WDPCP: variants seen among roughly 807,000 people sequenced by gnomAD.
WDPCP encodes WD repeat-containing and planar cell polarity effector protein fritz homolog.
A neutral mutation model predicts 93.1 loss-of-function variants in WDPCP; 71 were observed. That is an observed-to-expected ratio of 0.76 (90% CI 0.63 to 0.93). The LOEUF is 0.93. Ranked by LOEUF, WDPCP falls within the 40% of genes least tolerant of loss-of-function variation. The probability of loss-of-function intolerance (pLI) is 0.00; values close to 1 mark genes in which losing one functional copy is unlikely to be tolerated. For missense variants in WDPCP, 844 were observed against 887.4 expected (o/e 0.95, Z 0.62); for synonymous variants, 315 against 315.0 (o/e 1.00, Z 0.00).
intron 2 of WDPCP, among the ~76,000 whole-genome samples, chr2:63,776,738 T>C (rs556908524): frequency 4.1e-5 from 6 of 146,862 alleles, no homozygotes; most frequent in Non-Finnish European, 9.0e-5. Context: ...TGTTAGGGAA[T>C]ACAAATTAAA....
intron 2 of WDPCP, chr2:63,751,674 T>G (rs1350028571): frequency 2.0e-6 from 1 of 495,294 alleles, no homozygotes; most frequent in Non-Finnish European, 3.9e-6. Context: ...CTGCTAAGCT[T>G]TGTTTCCTGG....
intron 10 of WDPCP, among the ~76,000 whole-genome samples, chr2:63,398,823 C>T (rs566151980): frequency 6.6e-6 from 1 of 151,854 alleles, no homozygotes; most frequent in African/African-American, 2.4e-5. Flanking sequence ...ATGCAACTAC[C>T]TGTTTATATA....
At chr2:63,379,588 C>T (rs1692133458) in intron 11 of WDPCP, among the ~76,000 whole-genome samples, 1 of 152,088 alleles carries the variant, frequency 6.6e-6, no homozygotes, top group Non-Finnish European at 1.5e-5. Flanking sequence ...GTTTTCTTGA[C>T]AGCATGTTTC....
At chr2:63,286,998 T>C (rs968360265) in intron 13 of WDPCP, among the ~76,000 whole-genome samples, 6 of 152,194 alleles carry the variant, frequency 3.9e-5, no homozygotes, top group Non-Finnish European at 7.3e-5. Flanking sequence ...GGAAATTCAT[T>C]GTCAAACTGG....
upstream of WDPCP, chr2:63,589,833 G>C (rs1314338134): frequency 4.8e-6 from 1 of 209,748 alleles, no homozygotes; most frequent in Non-Finnish European, 9.9e-6. Context: ...AATAATCTGC[G>C]TACTGCTTGA....
At chr2:63,289,717 A>C (rs1684260534) in intron 13 of WDPCP, among the ~76,000 whole-genome samples, 1 of 151,924 alleles carries the variant, frequency 6.6e-6, no homozygotes, top group Non-Finnish European at 1.5e-5. Flanking sequence ...ATTTTTTGAC[A>C]TGTTCTATGA....
intron 2 of WDPCP, among the ~76,000 whole-genome samples, chr2:63,721,083 T>G (rs1669407140): frequency 6.6e-6 from 1 of 152,222 alleles, no homozygotes. Flanking sequence ...CAGGCTTCCT[T>G]ATACAAGGCA....
At chr2:63,256,626 A>G (rs929535426) in intron 14 of WDPCP, among the ~76,000 whole-genome samples, 3 of 152,172 alleles carry the variant, frequency 2.0e-5, no homozygotes, top group African/African-American at 7.2e-5. Flanking sequence ...CCATTAAAAG[A>G]CATACACAAG....
chr2:63,833,512 A>AAACC, the WDPCP span, among the ~76,000 whole-genome samples: 1 of 152,202 alleles, frequency 6.6e-6, no homozygotes, highest in Non-Finnish European at 1.5e-5. Context: ...CAATAAATTA[A>AAACC]AACCAACCAA....
rs183209448 is a variant in WDPCP, at chr2:63,296,718, A to C, written c.1812+16530T>G. Among the ~76,000 whole-genome samples the C allele has an allele frequency of 4.1e-3, 619 of 152,290 alleles. 18 individuals carry two copies. The highest frequency in any genetic ancestry group is 1.2e-3 in the Non-Finnish European group (83 of 68,024). On this transcript the variant is annotated intron_variant, in intron 13 of 17. Coordinates refer to ENST00000272321, the MANE Select transcript of WDPCP (RefSeq NM_015910.7). ...AGCAGCCATAAAAATTAAAATACCT[A>C]GTAGTATATTTAACCAAGGATGTGA... is the stretch of plus-strand genomic sequence containing the variant.
rs1417012218 is a variant in WDPCP at position 63,744,917 on chromosome 2, C to T, written n.308+68705G>A. On this transcript the variant is annotated intron_variant and non_coding_transcript_variant, in intron 2 of 4. Transcript: ENST00000467687. Reference sequence around the variant, plus strand: ...TTCTTTCAGATTAAATATATACCCACTTATTTTAAAAATAATAATCACGTC... The same window carrying T: ...TTCTTTCAGATTAAATATATACCCATTTATTTTAAAAATAATAATCACGTC... Among the ~76,000 whole-genome samples, 11 of 152,102 alleles carry T rather than the reference C, an allele frequency of 7.2e-5. 1 individual carries two copies. The highest frequency in any genetic ancestry group is 7.2e-4 in the Admixed American group (11 of 15,242).
rs184677418 is a variant in WDPCP at position 63,138,730 on chromosome 2, G to A, written c.2190+14184C>T. Among the ~76,000 whole-genome samples, 16 of 152,272 alleles carry A rather than the reference G, an allele frequency of 1.1e-4. 1 individual carries two copies. Among genetic ancestry groups the A allele is most frequent in the African/African-American group, 3.6e-4 (15 of 41,556 alleles). On this transcript the variant is annotated intron_variant, in intron 17 of 17. Coordinates refer to ENST00000272321, the MANE Select transcript of WDPCP (RefSeq NM_015910.7). Reference sequence around the variant, plus strand: ...GCCTCCGAAAGTTCTGGGATTACAGGCATGAGCCACCGTGCCCGGCACATG... The same window carrying A: ...GCCTCCGAAAGTTCTGGGATTACAGACATGAGCCACCGTGCCCGGCACATG...
At chr2:63,364,351 A>C (rs1690725927) in intron 12 of WDPCP, among the ~76,000 whole-genome samples, 2 of 152,154 alleles carry the variant, frequency 1.3e-5, no homozygotes, top group South Asian at 4.1e-4. Context: ...TTTTCTTTTC[A>C]GAGACTTTTT....
chr2:63,636,816 A>G (rs896079786), intron 3 of WDPCP, among the ~76,000 whole-genome samples: 1 of 152,212 alleles, frequency 6.6e-6, no homozygotes. Flanking sequence ...AGAATACACA[A>G]TGAAGAAAGA....
rs545016631 is a variant in WDPCP, at chr2:63,342,392, A to G, written c.1749-29081T>C. On this transcript the variant is annotated intron_variant, in intron 12 of 17. Coordinates refer to ENST00000272321, the MANE Select transcript of WDPCP (RefSeq NM_015910.7). ...TACATTTAAATTGATTACTGATAAG[A>G]AAGTACATCTACCATTCGCTATGTC... is the stretch of plus-strand genomic sequence containing the variant. Among the ~76,000 whole-genome samples the G allele has an allele frequency of 3.3e-5, 5 of 152,354 alleles. No individual in the cohort carries two copies. In the South Asian group the frequency reaches 8.3e-4, roughly 25 times the overall value.
chr2:63,606,125 T>A, intron 3 of WDPCP: 2 of 1,159,718 alleles, frequency 1.7e-6, no homozygotes, highest in Non-Finnish European at 2.6e-6. Context: ...CTCACGCCTA[T>A]AATCCCAACA....
At chr2:63,685,081 A>T (rs1668787108) in intron 2 of WDPCP, among the ~76,000 whole-genome samples, 1 of 152,174 alleles carries the variant, frequency 6.6e-6, no homozygotes, top group African/African-American at 2.4e-5. Context: ...AGCAAACCAA[A>T]CTCAAAATTG....
intron 14 of WDPCP, among the ~76,000 whole-genome samples, chr2:63,254,763 T>G (rs917980400): frequency 2.6e-5 from 4 of 152,124 alleles, no homozygotes; most frequent in Non-Finnish European, 5.9e-5. Flanking sequence ...CATGTTCAAA[T>G]GTATCCTTTC....
chr2:63,305,357 C>T (rs1268901471), intron 13 of WDPCP, among the ~76,000 whole-genome samples: 1 of 152,146 alleles, frequency 6.6e-6, no homozygotes, highest in Non-Finnish European at 1.5e-5. Flanking sequence ...CTGCTGGCAT[C>T]TGACAGATGC....
Sources: allele counts gnomAD v4.1 joint callset (sites outside exome capture counted in the v4.1 genomes callset), GRCh38; gene constraint gnomAD v4.1.1; transcripts MANE v1.5; gene names NCBI Gene and HGNC (gene_info 2026-07-23, HGNC 2026-07-21).